PIK3CB: variants seen among roughly 807,000 people sequenced by gnomAD.
PIK3CB encodes phosphatidylinositol 4,5-bisphosphate 3-kinase catalytic subunit beta isoform.
PIK3CB carries 39 observed loss-of-function variants against 136.8 expected under a neutral mutation model. The ratio of observed to expected loss-of-function variants is 0.29; its 90% CI spans 0.22 to 0.37. PIK3CB has a LOEUF of 0.37. PIK3CB is among the 10% of genes least tolerant of loss of function. The pLI is 1.00. For missense variants in PIK3CB, 868 were observed against 1,275.4 expected (o/e 0.68, Z 4.87); for synonymous variants, 428 against 436.6 (o/e 0.98, Z 0.25).
chr3:138,693,990 A>T (rs1203232423), intron 14 of PIK3CB, among the ~76,000 whole-genome samples: 132 of 115,426 alleles, frequency 1.1e-3, no homozygotes, highest in African/African-American at 3.0e-3. Context: ...ATATATATAT[A>T]TATTTTAAAC....
At chr3:138,710,441 A>T (rs979205751) in intron 10 of PIK3CB, among the ~76,000 whole-genome samples, 31 of 152,346 alleles carry the variant, frequency 2.0e-4, no homozygotes, top group African/African-American at 6.7e-4. Flanking sequence ...GAATTAAAAA[A>T]TTCAAATTCA....
intron 2 of PIK3CB, among the ~76,000 whole-genome samples, chr3:138,779,524 T>C (rs1278514912): frequency 6.6e-6 from 1 of 151,504 alleles, no homozygotes. Flanking sequence ...CCCGAGTAGT[T>C]GGGACCACAG....
rs1371874547 is a variant in PIK3CB at position 138,714,682 on chromosome 3, A to G, written c.1088T>C (p.Leu363Pro). Residue 363 changes from leucine (L) to proline (P), a missense_variant, in exon 9 of 24, where the codon CTC (leucine) becomes CCC (proline). Leu to Pro is a moderately conservative substitution (Grantham distance 98). This residue lies in a region of PIK3CB where 612 missense variants were observed against 801.1 expected (regional missense o/e 0.76). Coordinates refer to ENST00000674063, the MANE Select transcript of PIK3CB (RefSeq NM_006219.3). ...VRAGLFHGTE[L>P]LCKTIVSSEV... is the part of the protein sequence containing the mutation. ...TGAGCTTACGATGGTTTTACACAGG[A>G]GCTCAGTACCATGAAAAAGACCAGC... is the stretch of plus-strand genomic sequence containing the variant. The G allele has an allele frequency of 5.6e-6, 9 of 1,611,384 alleles. No individual in the cohort carries two copies. The Admixed American group carries it at 1.5e-4, about 27-fold the overall frequency.
At chr3:138,690,723 C>CAA (rs533393475) in intron 15 of PIK3CB, among the ~76,000 whole-genome samples, 5,676 of 84,506 alleles carry the variant, frequency 0.067, 377 homozygotes, top group African/African-American at 0.22. Flanking sequence ...AAAACACACA[C>CAA]AAAAAAAAAA....
chr3:138,663,661 C>T (rs1258716505), intron 21 of PIK3CB, among the ~76,000 whole-genome samples: 1 of 152,076 alleles, frequency 6.6e-6, no homozygotes, highest in East Asian at 1.9e-4. Context: ...GGATTACAGG[C>T]GTGAGCCACC....
intron 1 of PIK3CB, among the ~76,000 whole-genome samples, chr3:138,812,894 A>G (rs1487396920): frequency 6.6e-6 from 1 of 152,124 alleles, no homozygotes; most frequent in Non-Finnish European, 1.5e-5. Context: ...TCAAATCTAT[A>G]TATATAATAA....
chr3:138,669,508 T>A (rs1490419296), intron 19 of PIK3CB, among the ~76,000 whole-genome samples: 3 of 151,670 alleles, frequency 2.0e-5, no homozygotes, highest in Non-Finnish European at 4.4e-5. Context: ...AAAAAATTGA[T>A]TTCACATGTA....
chr3:138,822,512 G>A (rs1248830048), intron 1 of PIK3CB, among the ~76,000 whole-genome samples: 1 of 151,690 alleles, frequency 6.6e-6, no homozygotes, highest in Non-Finnish European at 1.5e-5. Context: ...CTCCAGCCTG[G>A]GCGACACAGT....
intron 21 of PIK3CB, 22 bp downstream of exon 21, chr3:138,663,883 GC>G (rs751768585): frequency 6.2e-7 from 1 of 1,609,144 alleles, no homozygotes; most frequent in African/African-American, 1.3e-5. Flanking sequence ...AAGGCCCTTG[GC>G]AGATCCTGAG....
chr3:138,828,981 T>C (rs1933912157), intron 1 of PIK3CB, among the ~76,000 whole-genome samples: 1 of 149,976 alleles, frequency 6.7e-6, no homozygotes, highest in African/African-American at 2.5e-5. Context: ...TTTGTATTTT[T>C]AGTAGAGATG....
chr3:138,685,390 C>A (rs2043862393), intron 16 of PIK3CB, among the ~76,000 whole-genome samples: 1 of 30,186 alleles, frequency 3.3e-5, no homozygotes. Context: ...GAGTGAGAAA[C>A]TGTCTCAAAA....
chr3:138,705,170 AAAACAAAAAACAAAAC>A (rs1440004148), intron 11 of PIK3CB, among the ~76,000 whole-genome samples: 4 of 94,608 alleles, frequency 4.2e-5, no homozygotes, highest in East Asian at 1.2e-3. Flanking sequence ...AAAAAAAAAA[AAAACAAAAAACAAAAC>A]AAACAAAAAA....
At chr3:138,832,830 C>CAAAA (rs1219182171) in intron 1 of PIK3CB, among the ~76,000 whole-genome samples, 2 of 52,720 alleles carry the variant, frequency 3.8e-5, no homozygotes, top group Non-Finnish European at 7.0e-5. Context: ...AACTCCGTCT[C>CAAAA]AAAAAAAAAA....
chr3:138,693,628 G>A (rs919461404), intron 14 of PIK3CB, among the ~76,000 whole-genome samples: 6 of 151,906 alleles, frequency 3.9e-5, no homozygotes, highest in African/African-American at 9.7e-5. Flanking sequence ...TCAAACTCCT[G>A]ACCTCAAGTG....
chr3:138,788,549 T>C (rs570175400), intron 2 of PIK3CB, among the ~76,000 whole-genome samples: 1 of 143,876 alleles, frequency 7.0e-6, no homozygotes, highest in Admixed American at 7.3e-5. Context: ...CCCAGCTACT[T>C]GGGAAGCTGA....
At chr3:138,733,777 C>T (rs1269574223) in intron 7 of PIK3CB, among the ~76,000 whole-genome samples, 1 of 151,988 alleles carries the variant, frequency 6.6e-6, no homozygotes, top group Non-Finnish European at 1.5e-5. Context: ...ACTTGGGAGG[C>T]TGAGGCAGGA....
intron 2 of PIK3CB, among the ~76,000 whole-genome samples, chr3:138,768,601 C>T (rs984191133): frequency 6.6e-6 from 1 of 152,192 alleles, no homozygotes; most frequent in African/African-American, 2.4e-5. Flanking sequence ...CCTACTTCCA[C>T]CCAGAAACCT....
chr3:138,703,564 GTAGATA>G (rs939168037), intron 12 of PIK3CB, among the ~76,000 whole-genome samples: 74 of 150,204 alleles, frequency 4.9e-4, no homozygotes, highest in African/African-American at 1.5e-3. Flanking sequence ...ATATATATAT[GTAGATA>G]TAGATATAGA....
At chr3:138,766,283 A>C (rs1225892431) in intron 2 of PIK3CB, among the ~76,000 whole-genome samples, 1 of 152,240 alleles carries the variant, frequency 6.6e-6, no homozygotes, top group Non-Finnish European at 1.5e-5. Context: ...CAAAGGGATA[A>C]CCATTATTTA....
Sources: allele counts gnomAD v4.1 joint callset (sites outside exome capture counted in the v4.1 genomes callset), GRCh38; gene constraint gnomAD v4.1.1; regional missense constraint gnomAD v4.1.1; transcripts MANE v1.5; gene names NCBI Gene and HGNC (gene_info 2026-07-23, HGNC 2026-07-21).